CRACDL: variants seen among roughly 807,000 people sequenced by gnomAD.
CRACDL encodes the protein CRACD like.
CRACDL carries 26 observed loss-of-function variants against 70.6 expected under a neutral mutation model. That is an observed-to-expected ratio of 0.37 (90% confidence interval 0.27 to 0.51). The LOEUF (loss-of-function observed/expected upper bound fraction) is 0.51, where lower values mean the gene tolerates loss of function less well. Among genes scored for constraint, CRACDL ranks in the 20% least tolerant of loss-of-function variants. The pLI is 0.94. For missense variants in CRACDL, 1,283 were observed against 1,376.9 expected (o/e 0.93, Z 1.08); for synonymous variants, 618 against 615.2 (o/e 1.00, Z -0.07).
At chr2:98,878,300 T>C (rs1227595836) in intron 1 of CRACDL, among the ~76,000 whole-genome samples, 1 of 152,242 alleles carries the variant, frequency 6.6e-6, no homozygotes, top group South Asian at 2.1e-4. Flanking sequence ...TGTTTAGATA[T>C]GTTCAGATAC....
chr2:98,925,478 A>G (rs901318820), intron 1 of CRACDL, among the ~76,000 whole-genome samples: 1 of 152,168 alleles, frequency 6.6e-6, no homozygotes, highest in African/African-American at 2.4e-5. Context: ...AAACAGTGAG[A>G]GGTGAAGCAA....
intron 2 of CRACDL, among the ~76,000 whole-genome samples, chr2:98,845,783 A>T (rs1553560157): frequency 6.6e-6 from 1 of 151,912 alleles, no homozygotes; most frequent in Non-Finnish European, 1.5e-5. Flanking sequence ...GTGAAACTCA[A>T]TTTTTTTTCA....
chr2:98,827,480 C>T (rs562991014), intron 5 of CRACDL, among the ~76,000 whole-genome samples: 2 of 152,286 alleles, frequency 1.3e-5, no homozygotes, highest in South Asian at 2.1e-4. Flanking sequence ...TTAGTAGAGA[C>T]AGGGTTTCAC....
At chr2:98,892,218 AAT>A (rs1260367047) in intron 1 of CRACDL, among the ~76,000 whole-genome samples, 3 of 152,172 alleles carry the variant, frequency 2.0e-5, no homozygotes, top group Admixed American at 2.0e-4. Context: ...CACAGAGGCA[AAT>A]GTAGATAAAT....
intron 7 of CRACDL, among the ~76,000 whole-genome samples, chr2:98,817,122 T>G (rs1704812798): frequency 6.6e-6 from 1 of 152,202 alleles, no homozygotes; most frequent in Non-Finnish European, 1.5e-5. Flanking sequence ...TATTACATGA[T>G]CACATTTCTA....
At chr2:98,807,259 G>A (rs774659042) in intron 7 of CRACDL, among the ~76,000 whole-genome samples, 132 of 152,138 alleles carry the variant, frequency 8.7e-4, no homozygotes, top group Non-Finnish European at 1.6e-3. Context: ...CTTACTAAGA[G>A]GTATGACCTC....
intron 1 of CRACDL, among the ~76,000 whole-genome samples, chr2:98,850,503 C>T (rs978883187): frequency 1.3e-5 from 2 of 152,252 alleles, no homozygotes; most frequent in African/African-American, 4.8e-5. Context: ...TTGCTCCTCA[C>T]ACGAAGACAG....
At position 98,822,558 on chromosome 2, in the gene CRACDL, T is replaced by G. The variant is rs780071912; in HGVS notation, c.1715A>C (p.Lys572Thr). ...TCGGCACGAGGACACCGAGAACTTC[T>G]TCGCGCCTCGCAGCTCGGCACCGCC... ...ERGGAELRGA[K>T]KFSVSSCRAR... Residue 572 changes from lysine to threonine, a missense_variant, in exon 7 of 10, where the codon AAG becomes ACG. Coordinates refer to ENST00000397899, the MANE Select transcript of CRACDL (RefSeq NM_207362.3). The surrounding 1 kb of genome is among the most constrained non-coding windows in gnomAD (Gnocchi z 4.9). 13 of 1,466,062 alleles carry G rather than the reference T, an allele frequency of 8.9e-6. No individual in the cohort carries two copies. The East Asian group carries it at 3.9e-4, about 44-fold the overall frequency. 90.8% of individuals were successfully genotyped at this position (1,466,062 alleles called of 1,614,324 possible).
chr2:98,840,463 G>A (rs997163002), intron 2 of CRACDL, among the ~76,000 whole-genome samples: 2 of 152,026 alleles, frequency 1.3e-5, no homozygotes, highest in African/African-American at 2.4e-5. Context: ...TGAAAATAAT[G>A]CATTTTCTTC....
intron 1 of CRACDL, among the ~76,000 whole-genome samples, chr2:98,930,000 G>A (rs1390747897): frequency 6.6e-6 from 1 of 152,092 alleles, no homozygotes; most frequent in African/African-American, 2.4e-5. Context: ...GTTACCCAGA[G>A]GAACCTGATA....
At position 98,917,683 on chromosome 2, in the gene CRACDL, A is replaced by G. The variant is rs149164294; in HGVS notation, c.-11+18255T>C. ...GTATACATTTAAAGGGTACAAGCACAATTTTGTTACATGGATATATTGTGT... is the reference window on the plus strand; with the variant it reads ...GTATACATTTAAAGGGTACAAGCACGATTTTGTTACATGGATATATTGTGT... On this transcript the variant is annotated intron_variant, in intron 1 of 9. Coordinates refer to ENST00000397899, the MANE Select transcript of CRACDL (RefSeq NM_207362.3). Among the ~76,000 whole-genome samples the G allele has an allele frequency of 5.2e-4, 79 of 152,314 alleles. 3 individuals are homozygous for G. In the East Asian group the frequency reaches 0.014, roughly 27 times the overall value.
At chr2:98,913,828 T>C (rs1488556827) in intron 1 of CRACDL, among the ~76,000 whole-genome samples, 1 of 152,186 alleles carries the variant, frequency 6.6e-6, no homozygotes, top group Non-Finnish European at 1.5e-5. Context: ...TCAGCTAAGC[T>C]ATGTGAGAGC....
intron 1 of CRACDL, among the ~76,000 whole-genome samples, chr2:98,899,314 T>TAATAAGCACCC (rs1321944724): frequency 6.6e-6 from 1 of 152,218 alleles, no homozygotes; most frequent in East Asian, 1.9e-4. Context: ...TACAAGTATG[T>TAATAAGCACCC]AATAAGCACC....
At chr2:98,933,645 G>T (rs1053236545) in intron 1 of CRACDL, among the ~76,000 whole-genome samples, 3 of 152,040 alleles carry the variant, frequency 2.0e-5, no homozygotes, top group African/African-American at 7.3e-5. Flanking sequence ...GCATGACAAG[G>T]CACGGAGCCA....
rs576818688 is a variant in CRACDL at position 98,841,205 on chromosome 2, G to C, written c.71-2918C>G. The stretch of plus-strand genomic sequence containing the variant: ...TTTATAGTTAAGATTCATATATTTA[G>C]AGTTTTGGTATCTAATCTAATAATC... On this transcript the variant is annotated intron_variant, in intron 2 of 9. Coordinates refer to ENST00000397899, the MANE Select transcript of CRACDL (RefSeq NM_207362.3). 2.0e-5 allele frequency among the ~76,000 whole-genome samples: 3 copies of C among 152,012 alleles called. No homozygotes were observed. In the South Asian group the frequency reaches 6.2e-4, roughly 32 times the overall value.
At chr2:98,934,940 C>T (rs1456022376) in intron 1 of CRACDL, among the ~76,000 whole-genome samples, 1 of 152,190 alleles carries the variant, frequency 6.6e-6, no homozygotes, top group Non-Finnish European at 1.5e-5. Flanking sequence ...TCAACCTTCT[C>T]CACCAGCTCC....
At position 98,834,784 on chromosome 2, in the gene CRACDL, CA is replaced by C. The variant is rs371791792; in HGVS notation, c.240-1788del. Among the ~76,000 whole-genome samples, 481 of 152,176 alleles carry C rather than the reference CA, an allele frequency of 3.2e-3. 2 individuals carry two copies. Among genetic ancestry groups the C allele is most frequent in the African/African-American group, 0.011 (451 of 41,518 alleles). ...CAAACAAATAAATCTAATTTTATAT[CA>C]GATTGTTGGCATGACCACACAGAGA... On this transcript the variant is annotated intron_variant, in intron 3 of 9. Transcript: ENST00000397899.
chr2:98,888,302 T>A (rs906820743), intron 1 of CRACDL, among the ~76,000 whole-genome samples: 13 of 152,198 alleles, frequency 8.5e-5, no homozygotes, highest in African/African-American at 3.1e-4. Flanking sequence ...AAAAGACGAC[T>A]GTGGAAAGTA....
intron 1 of CRACDL, among the ~76,000 whole-genome samples, chr2:98,896,816 A>AG: frequency 6.6e-6 from 1 of 152,190 alleles, no homozygotes; most frequent in East Asian, 1.9e-4. Flanking sequence ...TTCTGTCTCT[A>AG]GCGATAAGTG....
Sources: gnomAD v4.1 joint callset for allele counts (sites outside exome capture counted in the v4.1 genomes callset) on GRCh38, gnomAD v4.1.1 for gene constraint, Gnocchi (gnomAD v3.1) non-coding constraint, MANE v1.5 for transcripts, NCBI Gene and HGNC (gene_info 2026-07-23, HGNC 2026-07-21) for gene names.